Variants in CFAP20DC observed in about 807,000 individuals in gnomAD.
The protein encoded by CFAP20DC is CFAP20 domain containing, also known as protein CFAP20DC.
Under a neutral mutation model 101.7 loss-of-function variants are expected in CFAP20DC, and 84 were observed. The ratio of observed to expected loss-of-function variants is 0.83; its 90% confidence interval spans 0.69 to 0.99. The LOEUF is 0.99. Among genes scored for constraint, CFAP20DC ranks in the 50% least tolerant of loss-of-function variants. The pLI is 0.00. For synonymous variants in CFAP20DC, 359 were observed against 351.2 expected, an observed-to-expected ratio of 1.02 and a Z score of -0.25; for missense variants, 1,007 against 970.3, an observed-to-expected ratio of 1.04 and a Z score of -0.50.
chr3:58,946,551 T>TGAGG (rs1410413884), intron 4 of CFAP20DC, among the ~76,000 whole-genome samples: 7 of 152,196 alleles, frequency 4.6e-5, no homozygotes, highest in African/African-American at 1.7e-4. Context: ...TTGTTTGTTA[T>TGAGG]TCAGGGACCT....
intron 15 of CFAP20DC, among the ~76,000 whole-genome samples, chr3:58,763,717 G>A (rs1386573511): frequency 6.6e-6 from 1 of 152,108 alleles, no homozygotes; most frequent in Non-Finnish European, 1.5e-5. Context: ...TGAGGTTTTG[G>A]TGTGGATGTC....
chr3:58,785,285 TGTGG>T (rs2072233910), intron 15 of CFAP20DC, among the ~76,000 whole-genome samples: 2 of 151,998 alleles, frequency 1.3e-5, no homozygotes, highest in Admixed American at 6.6e-5. Context: ...GGGAAGGCTG[TGTGG>T]GTAGGAGCGG....
rs1455458668 is a variant in CFAP20DC, at chr3:58,914,760, C to T, written c.394-896G>A. The T allele has an allele frequency of 6.7e-6, 1 of 150,030 alleles. No individual in the cohort carries two copies. Among genetic ancestry groups the T allele is most frequent in the Non-Finnish European group, 1.5e-5 (1 of 67,692 alleles). The allele number at this position is 150,030 out of a possible 1,614,324, so 9.3% of individuals were successfully genotyped here. A position where few individuals can be genotyped will look rare whatever the true frequency, so the allele number is the denominator to read the frequency against. On this transcript the variant is annotated intron_variant, in intron 5 of 16. Coordinates refer to ENST00000482387, the MANE Select transcript of CFAP20DC (RefSeq NM_001394063.1). The surrounding 1 kb of genome is among the most constrained non-coding windows in gnomAD (Gnocchi z 4.9). Reference sequence around the variant, plus strand: ...ATGCTGATTTTAATATGGAGGTGAACCTTAGGTTGCTTCCACAGTAGAAAA... The same window carrying T: ...ATGCTGATTTTAATATGGAGGTGAATCTTAGGTTGCTTCCACAGTAGAAAA...
intron 15 of CFAP20DC, among the ~76,000 whole-genome samples, chr3:58,759,462 A>C (rs1325027018): frequency 6.6e-6 from 1 of 152,048 alleles, no homozygotes; most frequent in African/African-American, 2.4e-5. Flanking sequence ...AGATTGCAAA[A>C]ATTTTCTCCC....
chr3:58,896,135 T>C (rs1015514325), intron 6 of CFAP20DC, among the ~76,000 whole-genome samples: 1 of 152,196 alleles, frequency 6.6e-6, no homozygotes, highest in Non-Finnish European at 1.5e-5. Context: ...GGTGTATGCA[T>C]CCATGAATTT....
rs569565941 is a variant in CFAP20DC, at chr3:58,808,081, T to G, written c.2176-1625A>C. On this transcript the variant is annotated intron_variant, in intron 14 of 16. Transcript: ENST00000482387. ...GGACTACGTGAAAAGACCAAATCTA[T>G]GTATGATTGGTGTACTTGAAAGTGA... 1.4e-4 allele frequency among the ~76,000 whole-genome samples: 22 copies of G among 152,264 alleles called. No homozygotes were observed. The East Asian group carries it at 4.1e-3, about 28-fold the overall frequency.
At chr3:58,993,069 C>T (rs1362509951) in intron 4 of CFAP20DC, among the ~76,000 whole-genome samples, 1 of 152,020 alleles carries the variant, frequency 6.6e-6, no homozygotes, top group African/African-American at 2.4e-5. Context: ...GAGTACTTTT[C>T]CAATTGAGGA....
intron 15 of CFAP20DC, among the ~76,000 whole-genome samples, chr3:58,769,940 C>A (rs960616091): frequency 7.9e-5 from 12 of 152,168 alleles, no homozygotes; most frequent in African/African-American, 2.9e-4. Context: ...ATCCACAAAA[C>A]AGAGAGGATC....
At chr3:58,904,849 G>A (rs1023580458) in intron 6 of CFAP20DC, among the ~76,000 whole-genome samples, 11 of 152,094 alleles carry the variant, frequency 7.2e-5, no homozygotes, top group South Asian at 6.2e-4. Context: ...TAGATTCTCC[G>A]TGGCTTCTGA....
At chr3:58,808,221 A>T (rs1277597399) in intron 14 of CFAP20DC, among the ~76,000 whole-genome samples, 4 of 152,186 alleles carry the variant, frequency 2.6e-5, no homozygotes, top group Admixed American at 2.0e-4. Flanking sequence ...GAACGCCACA[A>T]AGACACTCCT....
intron 4 of CFAP20DC, among the ~76,000 whole-genome samples, chr3:59,008,699 G>A (rs1158556807): frequency 4.0e-5 from 6 of 151,528 alleles, no homozygotes; most frequent in East Asian, 3.9e-4. Context: ...ATCACACTTC[G>A]GGGACTGTTG....
At chr3:58,967,993 A>G (rs750967959) in intron 4 of CFAP20DC, among the ~76,000 whole-genome samples, 2 of 152,224 alleles carry the variant, frequency 1.3e-5, no homozygotes, top group Admixed American at 6.5e-5. Flanking sequence ...TAGTCTGCTA[A>G]AGATAATAGC....
rs76107999 is a variant in CFAP20DC, at chr3:58,717,656, G to GAA, written c.198-30_198-29dup. 145 of 334,886 alleles carry GAA rather than the reference G, an allele frequency of 4.3e-4. No individual in the cohort carries two copies. The highest frequency in any genetic ancestry group is 7.1e-4 in the East Asian group (8 of 11,200). 20.7% of individuals were successfully genotyped at this position (334,886 alleles called of 1,614,324 possible). On this transcript the variant is annotated intron_variant, in intron 3 of 3. Coordinates refer to the CFAP20DC transcript ENST00000486145. This position sits in a 1 kb window ranked among gnomAD's most constrained non-coding sequence, Gnocchi z 4.1. ...GCATTTCAGGTAGGAGAAGAGAGAAGAAAAAAAAAAAAGAAAAAAGGTACA... is the reference window on the plus strand; with the variant it reads ...GCATTTCAGGTAGGAGAAGAGAGAAGAAAAAAAAAAAAAAGAAAAAAGGTACA...
chr3:58,792,338 G>A (rs370884831), intron 15 of CFAP20DC, among the ~76,000 whole-genome samples: 31 of 152,192 alleles, frequency 2.0e-4, no homozygotes, highest in African/African-American at 7.5e-4. Flanking sequence ...ATTTTACTCC[G>A]AGTTTCATTG....
chr3:58,794,506 C>T (rs2073093036), intron 15 of CFAP20DC, among the ~76,000 whole-genome samples: 1 of 152,120 alleles, frequency 6.6e-6, no homozygotes, highest in African/African-American at 2.4e-5. Flanking sequence ...TAATGAACAG[C>T]ATAATATGAA....
At chr3:58,819,288 C>T (rs1396937527) in intron 14 of CFAP20DC, among the ~76,000 whole-genome samples, 1 of 152,090 alleles carries the variant, frequency 6.6e-6, no homozygotes, top group Non-Finnish European at 1.5e-5. Flanking sequence ...AGATAACTAA[C>T]ATAAGAGCAG....
At position 59,019,633 on chromosome 3, in the gene CFAP20DC, C is replaced by G. The variant is rs543694391; in HGVS notation, c.278+19924G>C. On this transcript the variant is annotated intron_variant, in intron 4 of 16. Transcript: ENST00000482387. ...GGGATTTGGGGATTATCTGTTAGAG[C>G]AGTTAGCCCACCTGACTGATATAAC... Among the ~76,000 whole-genome samples the G allele has an allele frequency of 2.0e-5, 3 of 152,182 alleles. No homozygotes were observed. In the East Asian group the frequency reaches 5.8e-4, roughly 29 times the overall value.
At chr3:58,948,231 A>G (rs2089617072) in intron 4 of CFAP20DC, among the ~76,000 whole-genome samples, 1 of 152,092 alleles carries the variant, frequency 6.6e-6, no homozygotes, top group South Asian at 2.1e-4. Flanking sequence ...ATTCTTTTCT[A>G]TTTTCATGCC....
chr3:58,863,552 G>C lies in CFAP20DC; in HGVS notation c.1593+6C>G, dbSNP rs368551078. 10 of 1,613,450 alleles carry C rather than the reference G, an allele frequency of 6.2e-6. No individual in the cohort carries two copies. Among genetic ancestry groups the C allele is most frequent in the African/African-American group, 2.7e-5 (2 of 74,914 alleles). On this transcript the variant is annotated splice_donor_region_variant and intron_variant, in intron 12 of 16. Transcript: ENST00000482387. This position sits in a 1 kb window ranked among gnomAD's most constrained non-coding sequence, Gnocchi z 5.9. Reference sequence around the variant, plus strand: ...TCAAGACTACTTCACTTATCAAGCAGTGTACCTCTTCACTGCTGTCGCCGC... The same window carrying C: ...TCAAGACTACTTCACTTATCAAGCACTGTACCTCTTCACTGCTGTCGCCGC...
Sources: gnomAD v4.1 joint callset for allele counts (sites outside exome capture counted in the v4.1 genomes callset) on GRCh38, gnomAD v4.1.1 for gene constraint, Gnocchi (gnomAD v3.1) non-coding constraint, MANE v1.5 for transcripts, NCBI Gene and HGNC (gene_info 2026-07-23, HGNC 2026-07-21) for gene names.